The following TFB2M variants were observed in gnomAD, a reference collection of about 807,000 sequenced individuals.
The protein encoded by TFB2M is transcription factor B2, mitochondrial, also known as dimethyladenosine transferase 2, mitochondrial.
In TFB2M, 44 loss-of-function variants were observed where a neutral mutation model predicts 41.3. The ratio of observed to expected loss-of-function variants is 1.07; its 90% CI spans 0.84 to 1.37. TFB2M has a LOEUF of 1.37. Ranked by LOEUF, TFB2M falls within the 40% of genes most tolerant of loss-of-function variation. The pLI is 0.00. For missense variants in TFB2M, 496 were observed against 490.2 expected (o/e 1.01, Z -0.11); for synonymous variants, 188 against 176.8 (o/e 1.06, Z -0.50).
chr1:246,541,345 AGGGAAGAGGAT>A (rs1379569142), intron 7 of TFB2M, 143 bp from the exon 8 acceptor site: 3 of 745,168 alleles, frequency 4.0e-6, no homozygotes, highest in Non-Finnish European at 4.2e-6. Context: ...GAGAATCAGC[AGGGAAGAGGAT>A]GGGAGGAGGG....
chr1:246,556,201 T>C (rs1659316763), intron 4 of TFB2M, among the ~76,000 whole-genome samples: 1 of 152,170 alleles, frequency 6.6e-6, no homozygotes, highest in Non-Finnish European at 1.5e-5. Flanking sequence ...CACAAAGAAA[T>C]ATTGTAGAGT....
intron 4 of TFB2M, among the ~76,000 whole-genome samples, chr1:246,553,862 T>A (rs763181229): frequency 6.6e-6 from 1 of 152,128 alleles, no homozygotes; most frequent in Non-Finnish European, 1.5e-5. Flanking sequence ...CTAAAATCCA[T>A]ATAGAATCTC....
chr1:246,541,217 C>A lies in TFB2M; in HGVS notation c.1020-15G>T, dbSNP rs200646474. On this transcript the variant is annotated splice_polypyrimidine_tract_variant and intron_variant, in intron 7 of 7. Transcript: ENST00000366514. ...GAGTCAATGAACTGCAAAAGAAATA[C>A]AAAGTAAATGTACTTAATTCTTTCT... 377 of 1,610,340 alleles carry A rather than the reference C, an allele frequency of 2.3e-4. 1 individual carries two copies. The highest frequency in any genetic ancestry group is 2.6e-4 in the Non-Finnish European group (305 of 1,177,998).
intron 4 of TFB2M, among the ~76,000 whole-genome samples, chr1:246,554,112 A>G (rs758463472): frequency 3.3e-5 from 5 of 152,204 alleles, no homozygotes; most frequent in Non-Finnish European, 5.9e-5. Flanking sequence ...CTTTCCACAA[A>G]CGGTGCTGGG....
In TFB2M at chr1:246,556,738, C is replaced by A; in HGVS notation, c.557-17G>T. On this transcript the variant is annotated splice_polypyrimidine_tract_variant and intron_variant, in intron 3 of 7. Transcript: ENST00000366514. ...AAGGGATGTCTGTTAGGAATATAAG[C>A]AAAAAGATTTGAATAAAGTTCTTAG... 6.5e-7 allele frequency: 1 copy of A among 1,536,700 alleles called. No individual in the cohort carries two copies. The highest frequency in any genetic ancestry group is 1.4e-5 in the African/African-American group (1 of 70,164).
chr1:246,553,800 C>T (rs908025622), intron 4 of TFB2M, among the ~76,000 whole-genome samples: 4 of 152,210 alleles, frequency 2.6e-5, no homozygotes, highest in Admixed American at 6.5e-5. Context: ...CCAGATTCAA[C>T]GCAATCCCTA....
intron 2 of TFB2M, among the ~76,000 whole-genome samples, chr1:246,561,081 A>C (rs1387231034): frequency 6.6e-6 from 1 of 152,226 alleles, no homozygotes; most frequent in Admixed American, 6.5e-5. Context: ...GCAGCACTTT[A>C]AGTCCCTGAC....
chr1:246,562,923 GC>G (rs1449733055), intron 2 of TFB2M, among the ~76,000 whole-genome samples: 2 of 152,166 alleles, frequency 1.3e-5, no homozygotes, highest in African/African-American at 4.8e-5. Context: ...CTCCCGAAGT[GC>G]TGGGATGACA....
chr1:246,548,419 T>G (rs1169927225), intron 6 of TFB2M, 126 bp downstream of exon 6: 1 of 745,732 alleles, frequency 1.3e-6, no homozygotes, highest in African/African-American at 1.8e-5. Context: ...AAGATATGTT[T>G]AAAGAATGTT....
chr1:246,545,040 C>T lies in TFB2M; in HGVS notation c.859-359G>A, dbSNP rs570366108. Among the ~76,000 whole-genome samples the T allele has an allele frequency of 3.9e-3, 565 of 144,434 alleles. 1 individual carries two copies. The highest frequency in any genetic ancestry group is 6.2e-3 in the Non-Finnish European group (408 of 65,846). 94.8% of individuals were successfully genotyped at this position (144,434 alleles called of 152,430 possible). On this transcript the variant is annotated intron_variant, in intron 6 of 7. Transcript: ENST00000366514. ...CAGGATGGTCTCGATCTCCTGACCT[C>T]GTGATCCGCCCGCCTCGGCCTCCCC...
intron 7 of TFB2M, among the ~76,000 whole-genome samples, chr1:246,543,620 G>GT (rs1386323520): frequency 6.6e-6 from 1 of 151,094 alleles, no homozygotes; most frequent in African/African-American, 2.4e-5. Context: ...ACAGAGGTGT[G>GT]TGCATCAGCC....
chr1:246,563,570 C>T (rs1659512838), intron 2 of TFB2M, among the ~76,000 whole-genome samples: 1 of 151,230 alleles, frequency 6.6e-6, no homozygotes, highest in South Asian at 2.1e-4. Flanking sequence ...CACCATTGCA[C>T]TCCAGCCTGG....
intron 5 of TFB2M, 123 bp from the exon 6 acceptor site, chr1:246,548,730 A>G: frequency 1.2e-6 from 1 of 831,804 alleles, no homozygotes. Flanking sequence ...ATTGGATTTA[A>G]AAGAAACATG....
Position 246,544,544 on chromosome 1 carries a change from G to A in TFB2M, c.996C>T (p.Ser332=), listed in dbSNP as rs143475088. 6.2e-5 allele frequency: 100 copies of A among 1,607,534 alleles called. No homozygotes were observed. In the East Asian group the frequency reaches 1.8e-3, roughly 29 times the overall value. The change falls in exon 7 of 8, where the codon AGC becomes AGT. Residue 332 remains serine, a synonymous_variant. Transcript: ENST00000366514. ...ACCGTAAGTGGTCTATTACAGTGGC[G>A]CTGCGCCTCCCAAAACAGTGCTTTA... ...HLLKHCFGRR[S]ATVIDHLRSL...
chr1:246,561,837 A>AT (rs1659463946), intron 2 of TFB2M, among the ~76,000 whole-genome samples: 2 of 152,190 alleles, frequency 1.3e-5, no homozygotes, highest in African/African-American at 2.4e-5. Context: ...AAACAAAGAC[A>AT]TTTTAATACA....
intron 6 of TFB2M, 92 bp downstream of exon 6, chr1:246,548,453 G>T: frequency 9.4e-7 from 1 of 1,068,714 alleles, no homozygotes. Context: ...AAATTAAAAA[G>T]TTAAATACAG....
In TFB2M at chr1:246,564,518, C is replaced by T. The variant is rs574423323; in HGVS notation, c.314-84G>A. On this transcript the variant is annotated intron_variant, in intron 1 of 7. Coordinates refer to ENST00000366514, the MANE Select transcript of TFB2M (RefSeq NM_022366.3). The stretch of plus-strand genomic sequence containing the variant: ...CCAAACTTTCATTAGATGTTTCACA[C>T]GTTATTACCTGGTTTTTAAATCTGA... The T allele has an allele frequency of 1.1e-4, 137 of 1,246,148 alleles. No homozygotes were observed. The African/African-American group carries it at 1.8e-3, about 17-fold the overall frequency. The allele number at this position is 1,246,148 out of a possible 1,614,324, so 77.2% of individuals were successfully genotyped here. A position where few individuals can be genotyped will look rare whatever the true frequency, so the allele number is the denominator to read the frequency against.
At chr1:246,544,107 A>T (rs914942011) in intron 7 of TFB2M, among the ~76,000 whole-genome samples, 1 of 152,218 alleles carries the variant, frequency 6.6e-6, no homozygotes, top group Non-Finnish European at 1.5e-5. Context: ...GAGCAAGGGA[A>T]CCAGGGTGGT....
chr1:246,545,760 C>T (rs1366500871), intron 6 of TFB2M, among the ~76,000 whole-genome samples: 2 of 140,016 alleles, frequency 1.4e-5, no homozygotes, highest in Admixed American at 8.1e-5. Flanking sequence ...TGCAGTGAGC[C>T]GAGATTACGC....
Sources: gnomAD v4.1 joint callset for allele counts (sites outside exome capture counted in the v4.1 genomes callset) on GRCh38, gnomAD v4.1.1 for gene constraint, MANE v1.5 for transcripts, NCBI Gene and HGNC (gene_info 2026-07-23, HGNC 2026-07-21) for gene names.